ARHGAP19: variants seen among roughly 807,000 people sequenced by gnomAD.
The protein encoded by ARHGAP19 is rho GTPase-activating protein 19.
Under a neutral mutation model 60.9 loss-of-function variants are expected in ARHGAP19, and 48 were observed. The observed-to-expected ratio is 0.79, with a 90% CI of 0.62 to 1.00. The LOEUF is 1.00. Among genes scored for constraint, ARHGAP19 ranks in the 50% least tolerant of loss-of-function variants. ARHGAP19 has a pLI of 0.00. For missense variants in ARHGAP19, 562 were observed against 597.2 expected (o/e 0.94, Z 0.61); for synonymous variants, 209 against 215.5 (o/e 0.97, Z 0.27).
intron 7 of ARHGAP19, among the ~76,000 whole-genome samples, chr10:97,244,425 GTTTTTAAAGCATCT>G (rs1220990800): frequency 2.0e-5 from 3 of 152,220 alleles, no homozygotes; most frequent in Admixed American, 1.3e-4. Flanking sequence ...TAAGAGTTTA[GTTTTTAAAGCATCT>G]TTTAATTTCA....
chr10:97,249,070 A>G lies in ARHGAP19; in HGVS notation c.928-2733T>C, dbSNP rs571276321. 4.6e-5 allele frequency among the ~76,000 whole-genome samples: 7 copies of G among 152,294 alleles called. No individual in the cohort carries two copies. The East Asian group carries it at 1.3e-3, about 29-fold the overall frequency. On this transcript the variant is annotated intron_variant, in intron 6 of 11. Transcript: ENST00000358531. ...TAAGTAAAATTGACTAACACTTTGG[A>G]AAAATAAAAATCCATGAGTTTATAT... is the stretch of plus-strand genomic sequence containing the variant.
intron 8 of ARHGAP19, among the ~76,000 whole-genome samples, chr10:97,239,155 T>C (rs1442563871): frequency 6.6e-6 from 1 of 152,176 alleles, no homozygotes; most frequent in South Asian, 2.1e-4. Context: ...TAAAAACACA[T>C]TTCTTAGAAC....
intron 8 of ARHGAP19, among the ~76,000 whole-genome samples, chr10:97,237,293 G>A (rs1452314852): frequency 1.4e-5 from 2 of 147,328 alleles, no homozygotes; most frequent in African/African-American, 5.0e-5. Context: ...CTCAGTCTAC[G>A]GAAAACAATA....
rs1011918940 is a variant in ARHGAP19 at position 97,223,002 on chromosome 10, G to A, written c.*3120C>T. The A allele has an allele frequency of 6.6e-6, 1 of 152,180 alleles. No individual in the cohort carries two copies. Among genetic ancestry groups the A allele is most frequent in the African/African-American group, 2.4e-5 (1 of 41,428 alleles). 9.4% of individuals were successfully genotyped at this position (152,180 alleles called of 1,614,324 possible). On this transcript the variant is annotated 3_prime_UTR_variant, in exon 12 of 12. Transcript: ENST00000358531. ...TGCATGCTAACACAGGCTGCTGTGA[G>A]GGAAACTGAACAGAAACGTTCCTAC...
chr10:97,248,121 A>G lies in ARHGAP19; in HGVS notation c.928-1784T>C, dbSNP rs1000558733. On this transcript the variant is annotated intron_variant, in intron 6 of 11. Coordinates refer to ENST00000358531, the MANE Select transcript of ARHGAP19 (RefSeq NM_032900.6). ...GCTGGGATTACAAGCACCCACCATC[A>G]TGCCCGGCTAATTTTTGTACTTTTG... 3.3e-5 allele frequency among the ~76,000 whole-genome samples: 5 copies of G among 152,220 alleles called. No homozygotes were observed. In the East Asian group the frequency reaches 9.7e-4, roughly 29 times the overall value.
chr10:97,256,269 G>T, intron 6 of ARHGAP19, 49 bp downstream of exon 6: 1 of 1,397,836 alleles, frequency 7.2e-7, no homozygotes, highest in Non-Finnish European at 1.0e-6. Flanking sequence ...ATCCCACCTT[G>T]CTCCATTTTC....
chr10:97,253,379 C>CAAAAA (rs551066347), intron 6 of ARHGAP19, among the ~76,000 whole-genome samples: 91 of 82,410 alleles, frequency 1.1e-3, no homozygotes, highest in African/African-American at 4.2e-3. Context: ...AACTCTATCT[C>CAAAAA]AAAAAAAAAA....
chr10:97,237,077 C>A (rs1411542401), intron 8 of ARHGAP19, among the ~76,000 whole-genome samples: 3 of 151,824 alleles, frequency 2.0e-5, no homozygotes, highest in African/African-American at 7.3e-5. Flanking sequence ...CCAGCCTGGG[C>A]AACATGGCGA....
At chr10:97,250,416 C>T (rs1443635625) in intron 6 of ARHGAP19, among the ~76,000 whole-genome samples, 3 of 148,874 alleles carry the variant, frequency 2.0e-5, no homozygotes, top group Non-Finnish European at 3.0e-5. Context: ...GATGGAGTCT[C>T]GCTCTGTCGC....
At chr10:97,230,942 A>G (rs2134807652) in intron 9 of ARHGAP19, among the ~76,000 whole-genome samples, 1 of 151,998 alleles carries the variant, frequency 6.6e-6, no homozygotes, top group South Asian at 2.1e-4. Flanking sequence ...CTGTAATCCC[A>G]GCTACTCGGG....
At chr10:97,229,433 A>C (rs1308974036) in intron 10 of ARHGAP19, among the ~76,000 whole-genome samples, 3 of 152,180 alleles carry the variant, frequency 2.0e-5, no homozygotes, top group African/African-American at 7.2e-5. Context: ...CCCCACAGGT[A>C]ATATAGAGCC....
rs147897643 is a variant in ARHGAP19 at position 97,263,423 on chromosome 10, C to T, written c.610G>A (p.Ala204Thr). ...HKHFNAHLKIADLMQFDDKGN... is the reference protein window; with the variant it reads ...HKHFNAHLKITDLMQFDDKGN... ...CCTTCTTACTTCCTATACTCACCAG[C>T]GATTTTGAGGTGTGCATTGAAGTGT... The change falls in exon 4 of 12, where the codon GCT becomes ACT. Residue 204 changes from alanine (A) to threonine (T), a missense_variant. Coordinates refer to ENST00000358531, the MANE Select transcript of ARHGAP19 (RefSeq NM_032900.6). 5.6e-6 allele frequency: 9 copies of T among 1,613,828 alleles called. No homozygotes were observed. The highest frequency in any genetic ancestry group is 1.6e-4 in the Middle Eastern group (1 of 6,084).
rs572239267 is a variant in ARHGAP19, at chr10:97,265,872, G to C, written c.310C>G (p.Leu104Val). The change falls in exon 2 of 12, where the codon CTC becomes GTC. Residue 104 changes from leucine to valine, a missense_variant. Physicochemically the swap from Leu to Val is conservative, Grantham distance 32. Transcript: ENST00000358531. ...ACACATCTCCTACCCTTTCGCTTGA[G>C]AGACATGAGAGACCGGAAGAATCCT... Reference protein sequence around the residue: ...ASGFFRSLMSLKRKEKGVIFG... With the variant: ...ASGFFRSLMSVKRKEKGVIFG... 4 of 1,614,010 alleles carry C rather than the reference G, an allele frequency of 2.5e-6. No homozygotes were observed. The highest frequency in any genetic ancestry group is 1.3e-5 in the African/African-American group (1 of 75,002).
chr10:97,263,513 T>C lies in ARHGAP19; in HGVS notation c.520A>G (p.Asn174Asp). The C allele has an allele frequency of 6.2e-7, 1 of 1,614,108 alleles. No homozygotes were observed. ...IDLESGEFHS[N>D]DVATLLKMFL... Reference sequence around the variant, plus strand: ...ATCTTCAGCAAAGTGGCAACATCATTTGAGTGAAATTCCCCTGATTCCAAG... The same window carrying C: ...ATCTTCAGCAAAGTGGCAACATCATCTGAGTGAAATTCCCCTGATTCCAAG... Residue 174 changes from asparagine to aspartate, a missense_variant, in exon 4 of 12, where the codon AAT (asparagine) becomes GAT (aspartate). Physicochemically the swap from Asn to Asp is conservative, Grantham distance 23. Coordinates refer to ENST00000358531, the MANE Select transcript of ARHGAP19 (RefSeq NM_032900.6).
At position 97,225,391 on chromosome 10, in the gene ARHGAP19, G is replaced by A. The variant is rs1056935019; in HGVS notation, c.*731C>T. 6.6e-6 allele frequency: 1 copy of A among 152,040 alleles called. No individual in the cohort carries two copies. Among genetic ancestry groups the A allele is most frequent in the Non-Finnish European group, 1.5e-5 (1 of 68,018 alleles). 9.4% of individuals were successfully genotyped at this position (152,040 alleles called of 1,614,324 possible). Reference sequence around the variant, plus strand: ...ACAAGGGAGGGAGAAATGGAAGGAAGGAAAAGAGTTTAATAATTAAGATTT... The same window carrying A: ...ACAAGGGAGGGAGAAATGGAAGGAAAGAAAAGAGTTTAATAATTAAGATTT... On this transcript the variant is annotated 3_prime_UTR_variant, in exon 12 of 12. Coordinates refer to ENST00000358531, the MANE Select transcript of ARHGAP19 (RefSeq NM_032900.6).
At chr10:97,286,549 G>T (rs1843157955) in intron 1 of ARHGAP19, among the ~76,000 whole-genome samples, 1 of 152,170 alleles carries the variant, frequency 6.6e-6, no homozygotes, top group Non-Finnish European at 1.5e-5. Context: ...GCACGATTGC[G>T]CCACTGCACT....
chr10:97,228,486 A>C (rs7089213), intron 11 of ARHGAP19, among the ~76,000 whole-genome samples: 2 of 152,292 alleles, frequency 1.3e-5, no homozygotes, highest in African/African-American at 4.8e-5. Flanking sequence ...CAGAGGAGAA[A>C]ACTTGAATTC....
chr10:97,244,362 G>T (rs1170603852), intron 7 of ARHGAP19, among the ~76,000 whole-genome samples: 1 of 151,906 alleles, frequency 6.6e-6, no homozygotes, highest in Non-Finnish European at 1.5e-5. Context: ...CCCATGACCT[G>T]CCCAGAGAAC....
chr10:97,253,829 T>A (rs72835323), intron 6 of ARHGAP19, among the ~76,000 whole-genome samples: 1 of 152,130 alleles, frequency 6.6e-6, no homozygotes, highest in East Asian at 1.9e-4. Context: ...TAAGATCCAC[T>A]ATAAGAATAA....
Sources: allele counts gnomAD v4.1 joint callset (sites outside exome capture counted in the v4.1 genomes callset), GRCh38; gene constraint gnomAD v4.1.1; transcripts MANE v1.5; gene names NCBI Gene and HGNC (gene_info 2026-07-23, HGNC 2026-07-21).